SOCS4: variants seen among roughly 807,000 people sequenced by gnomAD.
The protein encoded by SOCS4 is SH2 domain containing SOCS box protein.
Under a neutral mutation model 34.1 loss-of-function variants are expected in SOCS4, and 20 were observed. The observed-to-expected ratio is 0.59, with a 90% CI of 0.41 to 0.85. The LOEUF (loss-of-function observed/expected upper bound fraction) is 0.85, where lower values mean the gene tolerates loss of function less well. SOCS4 is among the 40% of genes least tolerant of loss of function. The pLI, the probability that SOCS4 is intolerant of heterozygous loss-of-function variation, is 0.00. For missense variants in SOCS4, 479 were observed against 532.4 expected, an observed-to-expected ratio of 0.90 and a Z score of 0.99; for synonymous variants, 180 against 186.4, an observed-to-expected ratio of 0.97 and a Z score of 0.28.
intron 2 of SOCS4, among the ~76,000 whole-genome samples, chr14:55,041,783 CTTTTTTTTTTT>C (rs35998700): frequency 0.029 from 1,165 of 40,148 alleles, 47 homozygotes; most frequent in African/African-American, 0.088. Context: ...AACCCTTAAT[CTTTTTTTTTTT>C]TTTTTTTTTT....
intron 2 of SOCS4, among the ~76,000 whole-genome samples, chr14:55,033,512 C>CT: frequency 6.6e-6 from 1 of 152,272 alleles, no homozygotes; most frequent in East Asian, 1.9e-4. Context: ...TAAGCAGTTA[C>CT]TTTCTCAGTA....
At chr14:55,041,036 G>A (rs562253363) in intron 2 of SOCS4, among the ~76,000 whole-genome samples, 3 of 151,784 alleles carry the variant, frequency 2.0e-5, no homozygotes, top group South Asian at 2.1e-4. Flanking sequence ...ACAGGCGTGC[G>A]CCACCACACC....
rs1055990827 is a variant in SOCS4, at chr14:55,046,572, A to G, written c.*2208A>G. On this transcript the variant is annotated 3_prime_UTR_variant, in exon 3 of 3. Coordinates refer to ENST00000555846, the MANE Select transcript of SOCS4 (RefSeq NM_199421.2). ...TCTAAGTACCTTTTCATATAATTCA[A>G]ACTGATTGCTTGTGATATGTTTTCT... The G allele has an allele frequency of 6.0e-5, 10 of 167,102 alleles. No individual in the cohort carries two copies. Among genetic ancestry groups the G allele is most frequent in the African/African-American group, 2.4e-4 (10 of 41,574 alleles). The allele number at this position is 167,102 out of a possible 1,614,324, so 10.4% of individuals were successfully genotyped here.
chr14:55,039,423 G>C (rs1248269250), intron 2 of SOCS4, among the ~76,000 whole-genome samples: 1 of 152,184 alleles, frequency 6.6e-6, no homozygotes, highest in Non-Finnish European at 1.5e-5. Context: ...GGGCGATAGA[G>C]ACCCTGTCTT....
rs1003751568 is a variant in SOCS4 at position 55,042,443 on chromosome 14, A to G, written c.-90-509A>G. ...GATTGTTTATTTAATAAATTCTTACAGCTTTACAACTTAAAATTGTTCATA... is the reference window on the plus strand; with the variant it reads ...GATTGTTTATTTAATAAATTCTTACGGCTTTACAACTTAAAATTGTTCATA... On this transcript the variant is annotated intron_variant, in intron 2 of 2. Transcript: ENST00000555846. Among the ~76,000 whole-genome samples, 6 of 152,230 alleles carry G rather than the reference A, an allele frequency of 3.9e-5. No homozygotes were observed. In the South Asian group the frequency reaches 1.0e-3, roughly 26 times the overall value.
chr14:55,039,350 G>A (rs1055879223), intron 2 of SOCS4, among the ~76,000 whole-genome samples: 4 of 151,804 alleles, frequency 2.6e-5, no homozygotes, highest in Admixed American at 1.3e-4. Flanking sequence ...AGGCAGGAGA[G>A]TCACTTGAGC....
rs986799040 is a variant in SOCS4, at chr14:55,044,456, G to A, written c.*92G>A. On this transcript the variant is annotated 3_prime_UTR_variant, in exon 3 of 3. Coordinates refer to ENST00000555846, the MANE Select transcript of SOCS4 (RefSeq NM_199421.2). ...TGCCACTTTGGATTTTTCTACAAAG[G>A]CAGTGGTGTCCAAAATAAAATCTCT... 1 of 969,356 alleles carries A rather than the reference G, an allele frequency of 1.0e-6. No homozygotes were observed. Among genetic ancestry groups the A allele is most frequent in the African/African-American group, 1.7e-5 (1 of 58,460 alleles). 60.0% of individuals were successfully genotyped at this position (969,356 alleles called of 1,614,324 possible). A position where few individuals can be genotyped will look rare whatever the true frequency, so the allele number is the denominator to read the frequency against.
intron 2 of SOCS4, among the ~76,000 whole-genome samples, chr14:55,035,053 AT>A (rs2042560782): frequency 6.6e-6 from 1 of 151,620 alleles, no homozygotes; most frequent in Non-Finnish European, 1.5e-5. Flanking sequence ...TAGAGAGGAG[AT>A]TTTGCCATGT....
Position 55,044,124 on chromosome 14 carries a change from A to C in SOCS4, c.1083A>C (p.Leu361=). 3 of 1,614,148 alleles carry C rather than the reference A, an allele frequency of 1.9e-6. No individual in the cohort carries two copies. Among genetic ancestry groups the C allele is most frequent in the Non-Finnish European group, 2.5e-6 (3 of 1,180,020 alleles). The part of the protein sequence containing the change: ...VFHSPDITGL[L]EHYKDPSACM... ...ATTCTCCTGACATTACTGGGCTCCT[A>C]GAACATTATAAGGACCCAAGCGCCT... Residue 361 remains leucine, a synonymous_variant, in exon 3 of 3, where the codon CTA becomes CTC. Coordinates refer to ENST00000555846, the MANE Select transcript of SOCS4 (RefSeq NM_199421.2).
chr14:55,043,268 T>G lies in SOCS4; in HGVS notation c.227T>G (p.Leu76Trp). 3.7e-6 allele frequency: 6 copies of G among 1,614,250 alleles called. No individual in the cohort carries two copies. The highest frequency in any genetic ancestry group is 5.1e-6 in the Non-Finnish European group (6 of 1,180,038). Reference sequence around the variant, plus strand: ...AAGCACAGCTGTTCATCCATTGAGTTGGACTTAGATCATTCCTGTGGGCAT... The same window carrying G: ...AAGCACAGCTGTTCATCCATTGAGTGGGACTTAGATCATTCCTGTGGGCAT... ...ERKHSCSSIE[L>W]DLDHSCGHRF... Residue 76 changes from leucine to tryptophan, a missense_variant, in exon 3 of 3, where the codon TTG becomes TGG. By Grantham distance (61) the Leu-to-Trp change is moderately conservative (BLOSUM62 -2). Transcript: ENST00000555846.
At chr14:55,034,320 T>G (rs1566753576) in intron 2 of SOCS4, among the ~76,000 whole-genome samples, 1 of 152,208 alleles carries the variant, frequency 6.6e-6, no homozygotes. Flanking sequence ...TATTAGTTTT[T>G]GTATGTTTTA....
chr14:55,048,917 A>G lies in SOCS4; in HGVS notation c.*4553A>G, dbSNP rs893088014. ...TAACATGATGATAGGTTTTCAAAAT[A>G]TCTTTGTAGTGGATGCTGCATAATT... On this transcript the variant is annotated 3_prime_UTR_variant, in exon 3 of 3. Coordinates refer to ENST00000555846, the MANE Select transcript of SOCS4 (RefSeq NM_199421.2). 6.0e-6 allele frequency: 1 copy of G among 167,052 alleles called. No homozygotes were observed. Among genetic ancestry groups the G allele is most frequent in the Non-Finnish European group, 1.5e-5 (1 of 68,100 alleles). 10.3% of individuals were successfully genotyped at this position (167,052 alleles called of 1,614,324 possible).
intron 2 of SOCS4, among the ~76,000 whole-genome samples, chr14:55,032,739 C>T (rs959756523): frequency 1.3e-5 from 2 of 150,974 alleles, no homozygotes; most frequent in African/African-American, 2.5e-5. Context: ...TTCTGTGTCA[C>T]ATGAAATTGT....
At chr14:55,038,685 T>C (rs11850914) in intron 2 of SOCS4, among the ~76,000 whole-genome samples, 5,110 of 152,260 alleles carry the variant, frequency 0.034, 265 homozygotes, top group African/African-American at 0.12. Context: ...TTTCTCCAAA[T>C]AATAAATGTC....
chr14:55,032,826 A>T (rs2042540480), intron 2 of SOCS4, among the ~76,000 whole-genome samples: 1 of 151,780 alleles, frequency 6.6e-6, no homozygotes, highest in Non-Finnish European at 1.5e-5. Context: ...AGTCTCACCC[A>T]GGTTAGAGTG....
At chr14:55,029,086 C>G (rs545295973) in intron 1 of SOCS4, among the ~76,000 whole-genome samples, 6 of 152,122 alleles carry the variant, frequency 3.9e-5, no homozygotes, top group Non-Finnish European at 5.9e-5. Flanking sequence ...TTGCTAGTAT[C>G]ATGTTTTCAC....
At chr14:55,029,853 A>G (rs983409940) in intron 1 of SOCS4, among the ~76,000 whole-genome samples, 1 of 152,178 alleles carries the variant, frequency 6.6e-6, no homozygotes, top group Non-Finnish European at 1.5e-5. Context: ...TATACTTAAT[A>G]TGATATAAAA....
At chr14:55,038,200 A>G (rs2042589469) in intron 2 of SOCS4, among the ~76,000 whole-genome samples, 1 of 152,216 alleles carries the variant, frequency 6.6e-6, no homozygotes, top group African/African-American at 2.4e-5. Context: ...TATGGGGGAA[A>G]CTGCCCTCAT....
chr14:55,041,684 A>G (rs4898858), intron 2 of SOCS4, among the ~76,000 whole-genome samples: 118,621 of 151,060 alleles, frequency 0.79, 47,455 homozygotes, highest in African/African-American at 0.93. Flanking sequence ...CATGTTGGCC[A>G]GGCTGGTCTC....
Sources: allele counts gnomAD v4.1 joint callset (sites outside exome capture counted in the v4.1 genomes callset), GRCh38; gene constraint gnomAD v4.1.1; transcripts MANE v1.5; gene names NCBI Gene and HGNC (gene_info 2026-07-23, HGNC 2026-07-21).